Variants in STXBP4 observed in about 807,000 individuals in gnomAD.
STXBP4 encodes syntaxin binding protein 4.
Under a neutral mutation model 76.1 loss-of-function variants are expected in STXBP4, and 55 were observed. The observed-to-expected ratio is 0.72, with a 90% CI of 0.58 to 0.91. STXBP4 has a LOEUF of 0.91. Ranked by LOEUF, STXBP4 falls within the 40% of genes least tolerant of loss-of-function variation. The pLI is 0.00. For missense variants in STXBP4, 618 were observed against 636.9 expected (o/e 0.97, Z 0.32); for synonymous variants, 201 against 220.2 (o/e 0.91, Z 0.77).
At chr17:54,985,431 T>A (rs993546888) in intron 1 of STXBP4, among the ~76,000 whole-genome samples, 183 bp from the exon 2 acceptor site, 21 of 152,350 alleles carry the variant, frequency 1.4e-4, no homozygotes, top group Non-Finnish European at 2.8e-4. Flanking sequence ...AAGAGAGTTG[T>A]ACTAAATGAT....
the STXBP4 span, among the ~76,000 whole-genome samples, chr17:55,211,543 A>G: frequency 6.6e-6 from 1 of 152,054 alleles, no homozygotes; most frequent in African/African-American, 2.4e-5. Flanking sequence ...ACAGCTTTCC[A>G]TTCTGTTCCA....
At chr17:55,101,951 A>G (rs1489617130) in intron 16 of STXBP4, among the ~76,000 whole-genome samples, 1 of 119,256 alleles carries the variant, frequency 8.4e-6, no homozygotes, top group Admixed American at 9.1e-5. Flanking sequence ...TTTGCATCAC[A>G]TAAAAGTACA....
At chr17:55,073,678 G>T (rs544178209) in intron 13 of STXBP4, among the ~76,000 whole-genome samples, 1 of 152,288 alleles carries the variant, frequency 6.6e-6, no homozygotes, top group African/African-American at 2.4e-5. Context: ...GCCCAGGCTG[G>T]AGTGCAATGG....
In STXBP4 at chr17:54,986,257, T is replaced by C. The variant is rs370116363; in HGVS notation, c.38T>C (p.Leu13Pro). The part of the protein sequence containing the change: ...KNTSTVVSPS[L>P]LEKDPAFQMI... ...ACATCTACTGTAGTATCACCCAGTC[T>C]ACTTGAAAAGTAATTTTTAAGTTTA... The change falls in exon 3 of 18, where the codon CTA becomes CCA. Residue 13 changes from leucine to proline, a missense_variant. Leu to Pro is a moderately conservative substitution (Grantham distance 98). Transcript: ENST00000376352. 6.3e-7 allele frequency: 1 copy of C among 1,593,288 alleles called. No individual in the cohort carries two copies. Among genetic ancestry groups the C allele is most frequent in the Non-Finnish European group, 8.6e-7 (1 of 1,169,176 alleles).
At chr17:55,194,124 G>T in the STXBP4 span, among the ~76,000 whole-genome samples, 1 of 151,984 alleles carries the variant, frequency 6.6e-6, no homozygotes, top group African/African-American at 2.4e-5. Context: ...ACCCCATGAG[G>T]CAGAAATGAT....
chr17:54,981,320 C>T (rs578159111), intron 1 of STXBP4, among the ~76,000 whole-genome samples: 6 of 151,162 alleles, frequency 4.0e-5, no homozygotes, highest in African/African-American at 9.7e-5. Flanking sequence ...GAGAGATGAT[C>T]GGCCTTACTA....
intron 16 of STXBP4, among the ~76,000 whole-genome samples, chr17:55,121,400 A>G (rs1377881990): frequency 6.6e-6 from 1 of 152,154 alleles, no homozygotes; most frequent in Non-Finnish European, 1.5e-5. Flanking sequence ...TGAAAAACAC[A>G]CTGAGAGAGA....
At chr17:54,976,976 T>C (rs1029340000) in intron 1 of STXBP4, among the ~76,000 whole-genome samples, 1 of 152,110 alleles carries the variant, frequency 6.6e-6, no homozygotes, top group African/African-American at 2.4e-5. Context: ...TTACATTTTT[T>C]CCCTGCCATA....
At chr17:55,057,686 T>C (rs2078945816) in intron 12 of STXBP4, among the ~76,000 whole-genome samples, 1 of 152,102 alleles carries the variant, frequency 6.6e-6, no homozygotes, top group Admixed American at 6.6e-5. Context: ...AGGTATTATC[T>C]TTATGCTCTC....
chr17:55,147,459 C>G (rs974216672), intron 17 of STXBP4, among the ~76,000 whole-genome samples: 1 of 152,190 alleles, frequency 6.6e-6, no homozygotes. Flanking sequence ...TGTACCACTA[C>G]GAGTCCATGG....
intron 4 of STXBP4, among the ~76,000 whole-genome samples, chr17:54,995,793 G>T (rs1010482008): frequency 1.3e-5 from 2 of 152,218 alleles, no homozygotes; most frequent in African/African-American, 2.4e-5. Flanking sequence ...TCGCTTTGCA[G>T]TGTCACTCTC....
intron 15 of STXBP4, 62 bp downstream of exon 15, chr17:55,078,797 T>C: frequency 1.1e-6 from 1 of 926,464 alleles, no homozygotes; most frequent in Non-Finnish European, 1.8e-6. Flanking sequence ...CATCTGGTCA[T>C]TGTGACTCAA....
chr17:55,073,026 A>G lies in STXBP4; in HGVS notation c.1138A>G (p.Lys380Glu). The G allele has an allele frequency of 1.2e-6, 2 of 1,614,022 alleles. No homozygotes were observed. Among genetic ancestry groups the G allele is most frequent in the South Asian group, 1.1e-5 (1 of 91,062 alleles). Residue 380 changes from lysine to glutamate, a missense_variant, in exon 13 of 18, where the codon AAG becomes GAG. Coordinates refer to ENST00000376352, the MANE Select transcript of STXBP4 (RefSeq NM_178509.6). Reference sequence around the variant, plus strand: ...AGAAGTGATCCGTCTGTTAGAGGCCAAGATTACAGAGCTAAAGGCTCAGCT... The same window carrying G: ...AGAAGTGATCCGTCTGTTAGAGGCCGAGATTACAGAGCTAAAGGCTCAGCT... ...YEEVIRLLEA[K>E]ITELKAQLAD...
chr17:55,021,523 A>G (rs2078309298), intron 8 of STXBP4, among the ~76,000 whole-genome samples: 1 of 152,102 alleles, frequency 6.6e-6, no homozygotes, highest in Admixed American at 6.5e-5. Flanking sequence ...CTCTAAAAAT[A>G]ATCATAATCA....
At chr17:55,133,472 A>G (rs543263896) in intron 16 of STXBP4, among the ~76,000 whole-genome samples, 2 of 152,240 alleles carry the variant, frequency 1.3e-5, no homozygotes, top group East Asian at 3.9e-4. Flanking sequence ...GGGGATAGAG[A>G]ATTCTGGGTC....
At chr17:55,069,966 T>A (rs879595641) in intron 12 of STXBP4, among the ~76,000 whole-genome samples, 1 of 151,874 alleles carries the variant, frequency 6.6e-6, no homozygotes, top group African/African-American at 2.4e-5. Flanking sequence ...ATTGATTGAA[T>A]GAAAAATGGA....
chr17:55,033,902 A>G (rs1401451230), intron 9 of STXBP4, among the ~76,000 whole-genome samples: 1 of 152,216 alleles, frequency 6.6e-6, no homozygotes, highest in African/African-American at 2.4e-5. Context: ...TCATAATACA[A>G]GGGTTGAAAA....
intron 15 of STXBP4, among the ~76,000 whole-genome samples, chr17:55,079,311 T>C (rs1283320514): frequency 6.6e-6 from 1 of 152,102 alleles, no homozygotes; most frequent in Admixed American, 6.6e-5. Context: ...AAACCACAAG[T>C]TTATGGTCAT....
intron 12 of STXBP4, among the ~76,000 whole-genome samples, chr17:55,048,833 A>G (rs1047762414): frequency 5.3e-5 from 8 of 151,884 alleles, no homozygotes; most frequent in Non-Finnish European, 1.2e-4. Flanking sequence ...ATCAATCAAA[A>G]TAACTGAACA....
Sources: gnomAD v4.1 joint callset for allele counts (sites outside exome capture counted in the v4.1 genomes callset) on GRCh38, gnomAD v4.1.1 for gene constraint, MANE v1.5 for transcripts, NCBI Gene and HGNC (gene_info 2026-07-23, HGNC 2026-07-21) for gene names.